The following ABAT variants were observed in gnomAD, a reference collection of about 807,000 sequenced individuals.
ABAT encodes 4-aminobutyrate aminotransferase.
ABAT carries 45 observed loss-of-function variants against 64.6 expected under a neutral mutation model. That is an observed-to-expected ratio of 0.70 (90% CI 0.55 to 0.89). The LOEUF (loss-of-function observed/expected upper bound fraction) is 0.89. Among genes scored for constraint, ABAT ranks in the 40% least tolerant of loss-of-function variants. The pLI is 0.00. For synonymous variants in ABAT, 297 were observed against 250.5 expected (o/e 1.19, Z -1.75); for missense variants, 633 against 658.4 (o/e 0.96, Z 0.42).
chr16:8,698,273 C>T lies in ABAT; in HGVS notation c.-42+23562C>T, dbSNP rs543454729. On this transcript the variant is annotated intron_variant, in intron 1 of 15. Coordinates refer to ENST00000268251, the MANE Select transcript of ABAT (RefSeq NM_020686.6). ...GCTCTGTTCTGTTGTGTGGAGAGAT[C>T]ACATTTTGTTTATCTGCTCATATGC... Among the ~76,000 whole-genome samples, 25 of 152,078 alleles carry T rather than the reference C, an allele frequency of 1.6e-4. 1 individual carries two copies. In the East Asian group the frequency reaches 4.6e-3, roughly 28 times the overall value.
intron 5 of ABAT, among the ~76,000 whole-genome samples, chr16:8,755,877 G>A (rs77409972): frequency 0.17 from 25,203 of 152,080 alleles, 2,426 homozygotes; most frequent in Middle Eastern, 0.32. Flanking sequence ...ATGAAACCCC[G>A]TCTCTACTAA....
chr16:8,750,771 A>C (rs1334405878), intron 5 of ABAT, among the ~76,000 whole-genome samples: 1 of 152,136 alleles, frequency 6.6e-6, no homozygotes, highest in Admixed American at 6.6e-5. Context: ...AGTATGTATT[A>C]ATATCCCCAT....
rs1246737719 is a variant in ABAT at position 8,752,894 on chromosome 16, ACTTGGCATAT to A, written c.316+2356_316+2365del. Among the ~76,000 whole-genome samples, 7 of 152,256 alleles carry A rather than the reference ACTTGGCATAT, an allele frequency of 4.6e-5. No individual in the cohort carries two copies. The East Asian group carries it at 7.7e-4, about 17-fold the overall frequency. On this transcript the variant is annotated intron_variant, in intron 5 of 15. Transcript: ENST00000268251. ...AATACTTATAGAGAATTTACTATGC[ACTTGGCATAT>A]TGCCAAGTGCCTTATACATTATCTC... is the stretch of plus-strand genomic sequence containing the variant.
intron 1 of ABAT, among the ~76,000 whole-genome samples, chr16:8,690,410 TCACTTGCCTAAGAC>T (rs1242423506): frequency 6.6e-6 from 1 of 152,220 alleles, no homozygotes; most frequent in Admixed American, 6.5e-5. Flanking sequence ...AGAGCTTAAG[TCACTTGCCTAAGAC>T]CACACACCTT....
At chr16:8,738,634 T>G (rs7205552) in intron 2 of ABAT, among the ~76,000 whole-genome samples, 16,597 of 148,524 alleles carry the variant, frequency 0.11, 1,616 homozygotes, top group East Asian at 0.21. Flanking sequence ...TTTTGTTTTT[T>G]TTTTGGTGTG....
chr16:8,743,444 T>TAC (rs1555489336), intron 2 of ABAT, among the ~76,000 whole-genome samples: 64,840 of 117,614 alleles, frequency 0.55, 20,313 homozygotes, highest in Admixed American at 0.66. Flanking sequence ...TATATATATA[T>TAC]ACACACATTT....
chr16:8,757,715 T>C, intron 5 of ABAT, 42 bp from the exon 6 acceptor site: 2 of 1,603,236 alleles, frequency 1.2e-6, no homozygotes, highest in Non-Finnish European at 8.5e-7. Context: ...TGGGGAACCC[T>C]TGGATGCAAT....
chr16:8,766,788 G>A (rs2059959277), intron 9 of ABAT, among the ~76,000 whole-genome samples: 1 of 152,130 alleles, frequency 6.6e-6, no homozygotes, highest in African/African-American at 2.4e-5. Flanking sequence ...GGCCAATATG[G>A]CGAAACCCTG....
At chr16:8,763,253 C>G (rs192626882) in intron 6 of ABAT, among the ~76,000 whole-genome samples, 24 of 152,232 alleles carry the variant, frequency 1.6e-4, no homozygotes, top group Admixed American at 1.6e-3. Context: ...TGGTTCTGCC[C>G]CTTCTTGGCT....
intron 1 of ABAT, among the ~76,000 whole-genome samples, chr16:8,702,958 G>A (rs1460495782): frequency 1.3e-5 from 2 of 152,124 alleles, no homozygotes; most frequent in African/African-American, 4.8e-5. Context: ...TTTCAAGATG[G>A]AGCCAACAGG....
At chr16:8,718,900 T>C (rs1243742075) in intron 1 of ABAT, among the ~76,000 whole-genome samples, 1 of 152,230 alleles carries the variant, frequency 6.6e-6, no homozygotes, top group Admixed American at 6.5e-5. Context: ...GCACACAGCG[T>C]GACTCCAGCC....
intron 1 of ABAT, chr16:8,722,761 C>T (rs992977390): frequency 1.6e-6 from 2 of 1,252,826 alleles, no homozygotes; most frequent in Non-Finnish European, 2.1e-6. Context: ...CTGCTTCTTT[C>T]CCCAGATGCG....
chr16:8,780,520 G>A (rs2060402906), intron 15 of ABAT: 1 of 154,334 alleles, frequency 6.5e-6, no homozygotes, highest in Admixed American at 6.4e-5. Flanking sequence ...CCAGCACTTT[G>A]GGAGGCCGAC....
Position 8,699,684 on chromosome 16 carries a change from C to A in ABAT, c.-42+24973C>A, listed in dbSNP as rs142238581. Among the ~76,000 whole-genome samples, 669 of 152,088 alleles carry A rather than the reference C, an allele frequency of 4.4e-3. 2 individuals carry two copies. The highest frequency in any genetic ancestry group is 0.015 in the African/African-American group (636 of 41,474). On this transcript the variant is annotated intron_variant, in intron 1 of 15. Coordinates refer to ENST00000268251, the MANE Select transcript of ABAT (RefSeq NM_020686.6). ...TTAAACGATCCTCCAACCCCATCCT[C>A]CTGAGTAGCTGGGACTACAGGTGTG...
At chr16:8,684,166 A>G (rs1402556438) in intron 1 of ABAT, among the ~76,000 whole-genome samples, 1 of 152,206 alleles carries the variant, frequency 6.6e-6, no homozygotes, top group Non-Finnish European at 1.5e-5. Context: ...TCTAGGGAAG[A>G]AATTTCAGGA....
chr16:8,751,150 T>G (rs1024439194), intron 5 of ABAT, among the ~76,000 whole-genome samples: 3 of 152,040 alleles, frequency 2.0e-5, no homozygotes, highest in Non-Finnish European at 2.9e-5. Context: ...GGTTTTACCA[T>G]GTTGGCCAGG....
Position 8,681,282 on chromosome 16 carries a change from C to CG in ABAT, c.-42+6572dup, listed in dbSNP as rs573235073. 1.3e-4 allele frequency among the ~76,000 whole-genome samples: 20 copies of CG among 151,504 alleles called. No individual in the cohort carries two copies. The South Asian group carries it at 4.2e-3, about 32-fold the overall frequency. Reference sequence around the variant, plus strand: ...CTGGGATTACAAGTGTGAACTGCCTCGCCTGGCCCAGAGTTCTTTATATAA... The same window carrying CG: ...CTGGGATTACAAGTGTGAACTGCCTCGGCCTGGCCCAGAGTTCTTTATATAA... On this transcript the variant is annotated intron_variant, in intron 1 of 15. Transcript: ENST00000268251.
intron 1 of ABAT, among the ~76,000 whole-genome samples, chr16:8,727,283 G>A (rs561715672): frequency 2.0e-5 from 3 of 152,070 alleles, no homozygotes; most frequent in East Asian, 3.9e-4. Context: ...ATTGTTGCTC[G>A]AGTTGGCTCC....
chr16:8,748,506 G>T (rs1339996333), intron 4 of ABAT, among the ~76,000 whole-genome samples: 4 of 152,108 alleles, frequency 2.6e-5, no homozygotes, highest in African/African-American at 7.2e-5. Context: ...TCTATATTCT[G>T]CTGTTGTTGG....
Sources: allele counts gnomAD v4.1 joint callset (sites outside exome capture counted in the v4.1 genomes callset), GRCh38; gene constraint gnomAD v4.1.1; transcripts MANE v1.5; gene names NCBI Gene and HGNC (gene_info 2026-07-23, HGNC 2026-07-21).